DCDC1: variants seen among roughly 807,000 people sequenced by gnomAD.
The protein encoded by DCDC1 is doublecortin domain containing 1.
DCDC1 carries 200 observed loss-of-function variants against 178.3 expected under a neutral mutation model. The observed-to-expected ratio is 1.12, with a 90% CI of 1.00 to 1.26. DCDC1 has a LOEUF of 1.26. Among genes scored for constraint, DCDC1 ranks in the 50% most tolerant of loss-of-function variants. The pLI, the probability that DCDC1 is intolerant of heterozygous loss-of-function variation, is 0.00. For missense variants in DCDC1, 1,983 were observed against 1,749.2 expected, an observed-to-expected ratio of 1.13 and a Z score of -2.38; for synonymous variants, 690 against 604.8, an observed-to-expected ratio of 1.14 and a Z score of -2.07.
intron 2 of DCDC1, among the ~76,000 whole-genome samples, chr11:31,332,458 T>C (rs999584054): frequency 3.3e-5 from 5 of 152,222 alleles, no homozygotes; most frequent in Non-Finnish European, 5.9e-5. Context: ...CTAGTTCTTT[T>C]AATTGTGATG....
Position 31,307,847 on chromosome 11 carries a change from G to A in DCDC1, c.226C>T (p.Gln76Ter). The change falls in exon 4 of 39, where the codon CAG (glutamine) becomes TAG (stop). Residue 76 changes from glutamine (Q) to a stop codon, truncating the protein, a stop_gained. Transcript: ENST00000684477. LOFTEE classifies it high-confidence loss of function. Reference protein sequence around the residue: ...IKTTDDYLQSQFGPNRLVHSA... With the variant: ...IKTTDDYLQS ...TGCACGAGTCTGTTGGGGCCAAACTGAGACTGCAAATAATCATCAGTAGTT... is the reference window on the plus strand; with the variant it reads ...TGCACGAGTCTGTTGGGGCCAAACTAAGACTGCAAATAATCATCAGTAGTT... 1 of 1,614,158 alleles carries A rather than the reference G, an allele frequency of 6.2e-7. No homozygotes were observed. The highest frequency in any genetic ancestry group is 8.5e-7 in the Non-Finnish European group (1 of 1,179,996).
intron 20 of DCDC1, among the ~76,000 whole-genome samples, chr11:31,025,152 A>G (rs1953138426): frequency 6.6e-6 from 1 of 151,870 alleles, no homozygotes; most frequent in Non-Finnish European, 1.5e-5. Flanking sequence ...TTAAACTACC[A>G]TAGAACAACA....
chr11:31,236,035 A>ATAAT (rs1976413470), intron 9 of DCDC1, among the ~76,000 whole-genome samples: 1 of 152,082 alleles, frequency 6.6e-6, no homozygotes, highest in African/African-American at 2.4e-5. Flanking sequence ...ACTTGGTAGT[A>ATAAT]TAATTCTAAG....
chr11:31,105,621 C>G (rs1256970023), intron 13 of DCDC1, among the ~76,000 whole-genome samples: 2 of 151,764 alleles, frequency 1.3e-5, no homozygotes, highest in African/African-American at 4.8e-5. Context: ...TGGACAAAAA[C>G]TTACCATTCC....
At chr11:31,287,063 G>A (rs1255141614) in intron 7 of DCDC1, among the ~76,000 whole-genome samples, 1 of 151,952 alleles carries the variant, frequency 6.6e-6, no homozygotes, top group African/African-American at 2.4e-5. Context: ...AAATCCATCT[G>A]TCAATAACAC....
In DCDC1 at chr11:31,260,848, C is replaced by T. The variant is rs193009937; in HGVS notation, c.1054+4659G>A. On this transcript the variant is annotated intron_variant, in intron 8 of 38. Coordinates refer to ENST00000684477, the MANE Select transcript of DCDC1 (RefSeq NM_001387274.1). ...CCTCGAAATCAGACACTGTCTACAT[C>T]TGTCTTCCATCTGAAATGCTTGTAT... Among the ~76,000 whole-genome samples, 7 of 152,290 alleles carry T rather than the reference C, an allele frequency of 4.6e-5. No individual in the cohort carries two copies. In the East Asian group the frequency reaches 1.4e-3, roughly 29 times the overall value.
rs553653066 is a variant in DCDC1 at position 31,358,012 on chromosome 11, C to T, written c.-125+11685G>A. ...AATACCGTGAAAATGGCCATACTGCCCAAGGTAATTTATAGATTCAATGCC... is the reference window on the plus strand; with the variant it reads ...AATACCGTGAAAATGGCCATACTGCTCAAGGTAATTTATAGATTCAATGCC... On this transcript the variant is annotated intron_variant, in intron 1 of 38. Transcript: ENST00000684477. Among the ~76,000 whole-genome samples the T allele has an allele frequency of 1.4e-4, 22 of 152,050 alleles. No homozygotes were observed. In the South Asian group the frequency reaches 2.9e-3, roughly 20 times the overall value.
At chr11:31,160,810 A>G (rs1023998442) in intron 9 of DCDC1, among the ~76,000 whole-genome samples, 2 of 152,242 alleles carry the variant, frequency 1.3e-5, no homozygotes, top group African/African-American at 4.8e-5. Context: ...GGCACTGTTT[A>G]GAACACCATT....
chr11:31,136,312 A>T (rs1963128048), intron 10 of DCDC1, among the ~76,000 whole-genome samples: 1 of 152,112 alleles, frequency 6.6e-6, no homozygotes, highest in Admixed American at 6.5e-5. Context: ...CTATAATTTA[A>T]ATCTGTGTAA....
At chr11:30,945,119 C>T (rs757381533) in intron 21 of DCDC1, among the ~76,000 whole-genome samples, 31 of 151,548 alleles carry the variant, frequency 2.0e-4, no homozygotes, top group Non-Finnish European at 3.4e-4. Context: ...CAGGCATCTG[C>T]CACCATGCCC....
At chr11:31,312,882 A>C (rs1158698071) in intron 3 of DCDC1, 2 of 152,042 alleles carry the variant, frequency 1.3e-5, no homozygotes, top group Non-Finnish European at 2.9e-5. Flanking sequence ...TAGGCTGGAC[A>C]TGGGTGGCTT....
intron 20 of DCDC1, 114 bp from the exon 21 acceptor site, chr11:30,952,682 T>G: frequency 2.4e-6 from 1 of 425,180 alleles, no homozygotes; most frequent in Non-Finnish European, 4.1e-6. Flanking sequence ...TCAGTTTGAA[T>G]TAAAAACCCA....
At position 31,094,225 on chromosome 11, in the gene DCDC1, T is replaced by A. The variant is rs1384582922; in HGVS notation, c.1984-41A>T. The stretch of plus-strand genomic sequence containing the variant: ...AAGTATGCATTTTTAACTCATAGTC[T>A]AAGAGTTAAACTCCTCAACACACTT... On this transcript the variant is annotated intron_variant, in intron 15 of 38. Transcript: ENST00000684477. The A allele has an allele frequency of 1.1e-5, 8 of 760,842 alleles. No individual in the cohort carries two copies. In the African/African-American group the frequency reaches 1.2e-4, roughly 11 times the overall value. 47.1% of individuals were successfully genotyped at this position (760,842 alleles called of 1,614,324 possible). A position where few individuals can be genotyped will look rare whatever the true frequency, so the allele number is the denominator to read the frequency against.
At chr11:30,878,324 A>G (rs1166640447) in intron 38 of DCDC1, among the ~76,000 whole-genome samples, 1 of 151,980 alleles carries the variant, frequency 6.6e-6, no homozygotes, top group African/African-American at 2.4e-5. Context: ...GTAGTGGTGC[A>G]TGACTGTAGT....
chr11:31,106,059 T>A (rs1016253278), intron 13 of DCDC1, among the ~76,000 whole-genome samples: 1 of 152,204 alleles, frequency 6.6e-6, no homozygotes, highest in East Asian at 1.9e-4. Flanking sequence ...TCCTAGATAT[T>A]GAAAACAACA....
At position 31,149,781 on chromosome 11, in the gene DCDC1, C is replaced by T. The variant is rs113709346; in HGVS notation, c.1222-11997G>A. Among the ~76,000 whole-genome samples the T allele has an allele frequency of 8.2e-3, 1,250 of 152,058 alleles. 20 individuals are homozygous for T. Among genetic ancestry groups the T allele is most frequent in the African/African-American group, 0.029 (1,195 of 41,454 alleles). On this transcript the variant is annotated intron_variant, in intron 9 of 38. Coordinates refer to ENST00000684477, the MANE Select transcript of DCDC1 (RefSeq NM_001387274.1). ...GGCTTCACTCCAGAAGTCAGCAAGACCACGAACCCACAGGAAGGAAGAAAC... is the reference window on the plus strand; with the variant it reads ...GGCTTCACTCCAGAAGTCAGCAAGATCACGAACCCACAGGAAGGAAGAAAC...
chr11:30,938,072 G>C (rs779941648), intron 21 of DCDC1, among the ~76,000 whole-genome samples: 3 of 151,736 alleles, frequency 2.0e-5, no homozygotes, highest in Non-Finnish European at 4.4e-5. Flanking sequence ...AACCTTCCCC[G>C]AGCCCTGCCA....
intron 9 of DCDC1, among the ~76,000 whole-genome samples, chr11:31,204,775 T>C (rs535361573): frequency 1.1e-4 from 16 of 152,196 alleles, no homozygotes; most frequent in Non-Finnish European, 1.5e-4. Flanking sequence ...TGAGCCGAGA[T>C]TGTGCCACTG....
Position 30,878,797 on chromosome 11 carries a change from A to C in DCDC1, c.5234-86T>G. ...AAGTCCAGGATGATGAAAAACTTGAAGACCCCTCACAAATCCTTGGCTCCC... is the reference window on the plus strand; with the variant it reads ...AAGTCCAGGATGATGAAAAACTTGACGACCCCTCACAAATCCTTGGCTCCC... On this transcript the variant is annotated intron_variant, in intron 37 of 38. Transcript: ENST00000684477. The C allele has an allele frequency of 2.3e-6, 3 of 1,320,706 alleles. No individual in the cohort carries two copies. In the South Asian group the frequency reaches 4.8e-5, roughly 21 times the overall value. The allele number at this position is 1,320,706 out of a possible 1,614,324, so 81.8% of individuals were successfully genotyped here.
Sources: allele counts gnomAD v4.1 joint callset (sites outside exome capture counted in the v4.1 genomes callset), GRCh38; gene constraint gnomAD v4.1.1; transcripts MANE v1.5; gene names NCBI Gene and HGNC (gene_info 2026-07-23, HGNC 2026-07-21).